AGBL4: variants seen among roughly 807,000 people sequenced by gnomAD.
The protein encoded by AGBL4 is AGBL carboxypeptidase 4, also known as cytosolic carboxypeptidase 6.
A neutral mutation model predicts 66.4 loss-of-function variants in AGBL4; 58 were observed. That is an observed-to-expected ratio of 0.87 (90% CI 0.71 to 1.09). The LOEUF is 1.09. Ranked by LOEUF, AGBL4 falls within the 50% of genes least tolerant of loss-of-function variation. AGBL4 has a pLI of 0.00. For missense variants in AGBL4, 579 were observed against 631.0 expected (o/e 0.92, Z 0.88); for synonymous variants, 234 against 222.9 (o/e 1.05, Z -0.44).
chr1:49,027,823 C>T (rs1663848921), intron 5 of AGBL4, among the ~76,000 whole-genome samples: 1 of 152,118 alleles, frequency 6.6e-6, no homozygotes, highest in Admixed American at 6.6e-5. Flanking sequence ...ATGCCCTCGG[C>T]CCAGCTAATT....
At position 49,623,760 on chromosome 1, in the gene AGBL4, C is replaced by T. The variant is rs568810964; in HGVS notation, c.282+73553G>A. Among the ~76,000 whole-genome samples the T allele has an allele frequency of 2.0e-5, 3 of 152,264 alleles. No homozygotes were observed. The South Asian group carries it at 6.2e-4, about 32-fold the overall frequency. On this transcript the variant is annotated intron_variant, in intron 3 of 13. Coordinates refer to ENST00000371839, the MANE Select transcript of AGBL4 (RefSeq NM_032785.4). Reference sequence around the variant, plus strand: ...AAGTGTCAATTAGCTGGATTGTGAGCTCCTCAAGGTCAAGGACTAGGACTA... The same window carrying T: ...AAGTGTCAATTAGCTGGATTGTGAGTTCCTCAAGGTCAAGGACTAGGACTA...
At chr1:48,605,236 T>C (rs1645137239) in intron 9 of AGBL4, among the ~76,000 whole-genome samples, 1 of 152,202 alleles carries the variant, frequency 6.6e-6, no homozygotes, top group African/African-American at 2.4e-5. Flanking sequence ...GCCAAGAGCA[T>C]GAATTATTGG....
intron 1 of AGBL4, among the ~76,000 whole-genome samples, chr1:49,854,414 G>A (rs1264450431): frequency 6.6e-6 from 1 of 152,072 alleles, no homozygotes; most frequent in East Asian, 1.9e-4. Flanking sequence ...CCCCAGTGCT[G>A]CACATTCCCA....
chr1:48,528,245 A>G (rs1455386171), downstream of AGBL4, among the ~76,000 whole-genome samples: 2 of 152,160 alleles, frequency 1.3e-5, no homozygotes, highest in Admixed American at 6.5e-5. Flanking sequence ...GGCAGAAGCA[A>G]TGGGACGTGG....
At chr1:49,487,705 C>A (rs1647099164) in intron 3 of AGBL4, among the ~76,000 whole-genome samples, 1 of 151,866 alleles carries the variant, frequency 6.6e-6, no homozygotes. Flanking sequence ...TTGAGTATTT[C>A]TTCATGGCAG....
intron 2 of AGBL4, 104 bp from the exon 3 acceptor site, chr1:49,697,541 T>C (rs1346241196): frequency 2.1e-6 from 2 of 963,018 alleles, no homozygotes; most frequent in Non-Finnish European, 2.9e-6. Context: ...TTTGTCAACA[T>C]TCAGTACTTG....
At chr1:49,948,588 G>A (rs555959807) in intron 1 of AGBL4, among the ~76,000 whole-genome samples, 1 of 136,194 alleles carries the variant, frequency 7.3e-6, no homozygotes, top group South Asian at 2.2e-4. Flanking sequence ...TATATAGAGA[G>A]AGAGAGAGAG....
At chr1:49,849,756 G>GT (rs1646259439) in intron 2 of AGBL4, among the ~76,000 whole-genome samples, 1 of 152,080 alleles carries the variant, frequency 6.6e-6, no homozygotes. Context: ...CTTTTACTGA[G>GT]TTTTTTTGTA....
intron 5 of AGBL4, among the ~76,000 whole-genome samples, chr1:48,987,675 A>G (rs1260071690): frequency 6.6e-6 from 1 of 152,256 alleles, no homozygotes; most frequent in East Asian, 1.9e-4. Flanking sequence ...ACACTTATAG[A>G]ACATTCCACT....
Position 48,759,944 on chromosome 1 carries a change from A to C in AGBL4, c.635-96703T>G, listed in dbSNP as rs187160060. ...AATGTTTACTCAACTGAAAAGTTCAAAGAATTCTAGCATTGAAAGGTACTT... is the reference window on the plus strand; with the variant it reads ...AATGTTTACTCAACTGAAAAGTTCACAGAATTCTAGCATTGAAAGGTACTT... On this transcript the variant is annotated intron_variant, in intron 6 of 13. Transcript: ENST00000371839. Among the ~76,000 whole-genome samples the C allele has an allele frequency of 2.0e-3, 299 of 152,332 alleles. 1 individual carries two copies. Among genetic ancestry groups the C allele is most frequent in the Non-Finnish European group, 3.0e-3 (202 of 68,030 alleles).
rs150110437 is a variant in AGBL4 at position 49,145,209 on chromosome 1, T to C, written c.378-99409A>G. ...AACTTCTTATGGCTTTTTTTCCTTT[T>C]ATTTGTCTAATCTCACATCATTCTC... On this transcript the variant is annotated intron_variant, in intron 4 of 13. Coordinates refer to ENST00000371839, the MANE Select transcript of AGBL4 (RefSeq NM_032785.4). Among the ~76,000 whole-genome samples the C allele has an allele frequency of 2.7e-3, 412 of 152,304 alleles. 10 individuals are homozygous for C. The East Asian group carries it at 0.07, about 26-fold the overall frequency.
intron 3 of AGBL4, among the ~76,000 whole-genome samples, chr1:49,535,901 C>A (rs1159779446): frequency 6.6e-6 from 1 of 152,178 alleles, no homozygotes; most frequent in Non-Finnish European, 1.5e-5. Context: ...CCGTGTTAGC[C>A]AGGATGGTCT....
intron 3 of AGBL4, among the ~76,000 whole-genome samples, chr1:49,387,603 A>G (rs1238042973): frequency 1.3e-5 from 2 of 152,042 alleles, no homozygotes; most frequent in Non-Finnish European, 2.9e-5. Flanking sequence ...ATGTGGTGTT[A>G]ATGTCAAAAC....
chr1:49,045,552 A>G, intron 5 of AGBL4, 32 bp downstream of exon 5: 1 of 1,587,242 alleles, frequency 6.3e-7, no homozygotes, highest in South Asian at 1.1e-5. Context: ...CCTGTTTCCA[A>G]ATGAGTAACC....
chr1:49,566,924 T>C (rs1644220661), intron 3 of AGBL4, among the ~76,000 whole-genome samples: 2 of 152,208 alleles, frequency 1.3e-5, no homozygotes. Context: ...GCAGGCCTCC[T>C]TGAGCTGTGG....
chr1:49,026,809 C>T (rs1328163436), intron 5 of AGBL4, among the ~76,000 whole-genome samples: 1 of 152,178 alleles, frequency 6.6e-6, no homozygotes, highest in African/African-American at 2.4e-5. Context: ...TTCTGAAGCA[C>T]ATCTATGTCC....
intron 3 of AGBL4, among the ~76,000 whole-genome samples, chr1:49,628,358 A>C (rs1247012608): frequency 2.0e-5 from 3 of 152,160 alleles, no homozygotes; most frequent in Non-Finnish European, 2.9e-5. Flanking sequence ...TGGAAATCTT[A>C]TGTATAACCA....
intron 5 of AGBL4, among the ~76,000 whole-genome samples, chr1:48,889,067 C>T (rs897993614): frequency 2.0e-5 from 3 of 152,146 alleles, no homozygotes; most frequent in African/African-American, 7.2e-5. Flanking sequence ...AAGTTCATGC[C>T]ATCAGGAATC....
Position 48,605,381 on chromosome 1 carries a change from T to A in AGBL4, c.952-14396A>T, listed in dbSNP as rs182679958. 6.1e-4 allele frequency among the ~76,000 whole-genome samples: 93 copies of A among 152,332 alleles called. 1 individual carries two copies. The highest frequency in any genetic ancestry group is 3.4e-3 in the Middle Eastern group (1 of 294). On this transcript the variant is annotated intron_variant, in intron 9 of 13. Transcript: ENST00000371839. ...TGCCAAATTGAGAGCTTCCAGACTG[T>A]GTGATGCTCCTCTGTGCCCTCCAAG...
Sources: gnomAD v4.1 joint callset for allele counts (sites outside exome capture counted in the v4.1 genomes callset) on GRCh38, gnomAD v4.1.1 for gene constraint, MANE v1.5 for transcripts, NCBI Gene and HGNC (gene_info 2026-07-23, HGNC 2026-07-21) for gene names.